CECR2: variants seen among roughly 807,000 people sequenced by gnomAD.
CECR2 encodes chromatin remodeling regulator CECR2.
CECR2 carries 30 observed loss-of-function variants against 154.5 expected under a neutral mutation model. The ratio of observed to expected loss-of-function variants is 0.19; its 90% CI spans 0.15 to 0.26. The LOEUF (loss-of-function observed/expected upper bound fraction) is 0.26, where lower values mean the gene tolerates loss of function less well. CECR2 is among the 10% of genes least tolerant of loss of function. CECR2 has a pLI of 1.00. For missense variants in CECR2, 1,743 were observed against 1,829.3 expected (o/e 0.95, Z 0.86); for synonymous variants, 725 against 683.7 (o/e 1.06, Z -0.94).
intron 1 of CECR2, among the ~76,000 whole-genome samples, chr22:17,436,271 T>G (rs2054505778): frequency 6.6e-6 from 1 of 152,246 alleles, no homozygotes; most frequent in African/African-American, 2.4e-5. Context: ...AGTTTCTTGA[T>G]GTACCATTTG....
chr22:17,424,854 A>G (rs933091456), intron 1 of CECR2: 5 of 152,284 alleles, frequency 3.3e-5, no homozygotes, highest in African/African-American at 1.2e-4. Context: ...AGTCTTCTCC[A>G]TGGTTACTTC....
intron 1 of CECR2, among the ~76,000 whole-genome samples, chr22:17,469,598 T>TTG (rs1312461348): frequency 1.4e-5 from 2 of 137,958 alleles, no homozygotes; most frequent in South Asian, 2.4e-4. Context: ...ACATTGTTTT[T>TTG]TTTTTTTTTT....
At chr22:17,495,259 G>T (rs915415385) in intron 2 of CECR2, among the ~76,000 whole-genome samples, 1 of 152,090 alleles carries the variant, frequency 6.6e-6, no homozygotes, top group African/African-American at 2.4e-5. Flanking sequence ...TACATGGAAG[G>T]CATATTTAGG....
At chr22:17,394,373 T>G (rs1440607514) in intron 1 of CECR2, among the ~76,000 whole-genome samples, 1 of 151,612 alleles carries the variant, frequency 6.6e-6, no homozygotes, top group Non-Finnish European at 1.5e-5. Flanking sequence ...CAGCTAAGTT[T>G]TTTTCTATTT....
intron 1 of CECR2, among the ~76,000 whole-genome samples, chr22:17,436,039 A>G (rs1448323323): frequency 1.3e-5 from 2 of 151,738 alleles, no homozygotes; most frequent in Non-Finnish European, 2.9e-5. Context: ...GCTCACTGCA[A>G]CCTCCGCCTC....
intron 1 of CECR2, among the ~76,000 whole-genome samples, chr22:17,466,119 G>C (rs1040789373): frequency 4.6e-5 from 7 of 150,580 alleles, no homozygotes; most frequent in African/African-American, 1.7e-4. Flanking sequence ...CCGCCTCCAG[G>C]GTTTAAATTT....
intron 1 of CECR2, among the ~76,000 whole-genome samples, chr22:17,375,276 G>C (rs544147531): frequency 2.6e-5 from 4 of 151,864 alleles, no homozygotes; most frequent in Admixed American, 6.6e-5. Flanking sequence ...ACCATGCCTG[G>C]CTAATTTTTG....
intron 1 of CECR2, among the ~76,000 whole-genome samples, chr22:17,454,431 C>T (rs2054821559): frequency 6.6e-6 from 1 of 150,544 alleles, no homozygotes; most frequent in Admixed American, 6.6e-5. Context: ...CAGTGAAACC[C>T]CATCTCTACC....
chr22:17,401,465 GC>G (rs1406068087), intron 1 of CECR2, among the ~76,000 whole-genome samples: 1 of 150,984 alleles, frequency 6.6e-6, no homozygotes, highest in Non-Finnish European at 1.5e-5. Context: ...TAATCTCTTT[GC>G]CCCCGTCTCA....
At chr22:17,414,891 T>C (rs553272223) in intron 1 of CECR2, among the ~76,000 whole-genome samples, 6 of 152,292 alleles carry the variant, frequency 3.9e-5, no homozygotes, top group African/African-American at 1.2e-4. Flanking sequence ...GTGTACCTGT[T>C]TGGGGGCATG....
intron 1 of CECR2, among the ~76,000 whole-genome samples, chr22:17,414,839 C>T (rs2054133186): frequency 1.3e-5 from 2 of 152,230 alleles, no homozygotes; most frequent in South Asian, 4.2e-4. Context: ...AGCTAGTACC[C>T]CCCAGAGCCT....
intron 1 of CECR2, among the ~76,000 whole-genome samples, chr22:17,392,841 A>G (rs1259384048): frequency 2.6e-5 from 4 of 151,918 alleles, no homozygotes; most frequent in African/African-American, 7.3e-5. Context: ...GGAGTTCAAG[A>G]CCAGCCTGGC....
chr22:17,464,104 T>G (rs2054988265), intron 1 of CECR2, among the ~76,000 whole-genome samples: 1 of 152,232 alleles, frequency 6.6e-6, no homozygotes, highest in Non-Finnish European at 1.5e-5. Context: ...AAAATTTGTT[T>G]GCATCACTAA....
intron 1 of CECR2, among the ~76,000 whole-genome samples, chr22:17,435,290 C>A (rs549775330): frequency 1.2e-4 from 19 of 152,160 alleles, no homozygotes; most frequent in Admixed American, 2.6e-4. Context: ...TACCAGTTTG[C>A]AATTTCTTAT....
upstream of CECR2, among the ~76,000 whole-genome samples, chr22:17,368,564 T>TC (rs1569034715): frequency 6.6e-6 from 1 of 152,122 alleles, no homozygotes; most frequent in East Asian, 1.9e-4. Context: ...AAGCACACAC[T>TC]CCAACACCCT....
Position 17,448,040 on chromosome 22 carries a change from G to C in CECR2, c.127-29548G>C, listed in dbSNP as rs1451053976. ...ATTTTTTAGAGAGTTTTAAGGAATG[G>C]ATTTACACTATTTTTAAATAGTTTT... is the stretch of plus-strand genomic sequence containing the variant. On this transcript the variant is annotated intron_variant, in intron 1 of 18. Transcript: ENST00000262608. Among the ~76,000 whole-genome samples, 3 of 152,124 alleles carry C rather than the reference G, an allele frequency of 2.0e-5. No individual in the cohort carries two copies. In the East Asian group the frequency reaches 5.8e-4, roughly 29 times the overall value.
rs115372722 is a variant in CECR2 at position 17,413,419 on chromosome 22, G to A, written c.126+43510G>A. ...CTTAATGTATTGCTGTGTCTTGGCCGTGATTACCTCACTTCCTTAAGCTCA... is the reference window on the plus strand; with the variant it reads ...CTTAATGTATTGCTGTGTCTTGGCCATGATTACCTCACTTCCTTAAGCTCA... On this transcript the variant is annotated intron_variant, in intron 1 of 18. Coordinates refer to ENST00000262608, the MANE Select transcript of CECR2 (RefSeq NM_001290047.2). Among the ~76,000 whole-genome samples the A allele has an allele frequency of 5.7e-3, 867 of 152,154 alleles. 9 individuals carry two copies. The highest frequency in any genetic ancestry group is 0.019 in the African/African-American group (809 of 41,514).
chr22:17,366,476 C>T (rs1428135128), upstream of CECR2, among the ~76,000 whole-genome samples: 2 of 152,096 alleles, frequency 1.3e-5, no homozygotes, highest in African/African-American at 2.4e-5. Flanking sequence ...CGTCACCTAC[C>T]GCCCCGGCAA....
intron 8 of CECR2, among the ~76,000 whole-genome samples, chr22:17,514,476 T>G (rs1225550651): frequency 3.9e-5 from 6 of 152,200 alleles, no homozygotes; most frequent in African/African-American, 1.4e-4. Context: ...GACTCTTATC[T>G]GTAAAGCATT....
Sources: gnomAD v4.1 joint callset for allele counts (sites outside exome capture counted in the v4.1 genomes callset) on GRCh38, gnomAD v4.1.1 for gene constraint, MANE v1.5 for transcripts, NCBI Gene and HGNC (gene_info 2026-07-23, HGNC 2026-07-21) for gene names.